Variants in FARP1 observed in about 807,000 individuals in gnomAD.
FARP1 encodes the protein FERM, ARH/RhoGEF and pleckstrin domain protein 1, also known as FERM, ARHGEF and pleckstrin domain-containing protein 1.
Under a neutral mutation model 128.8 loss-of-function variants are expected in FARP1, and 52 were observed. The ratio of observed to expected loss-of-function variants is 0.40; its 90% CI spans 0.32 to 0.51. The LOEUF (loss-of-function observed/expected upper bound fraction) is 0.51, where lower values mean the gene tolerates loss of function less well. FARP1 is among the 20% of genes least tolerant of loss of function. The pLI is 0.45. For missense variants in FARP1, 1,333 were observed against 1,367.9 expected, an observed-to-expected ratio of 0.97 and a Z score of 0.40; for synonymous variants, 580 against 551.8, an observed-to-expected ratio of 1.05 and a Z score of -0.72.
At chr13:98,317,886 C>T (rs1886792517) in intron 2 of FARP1, among the ~76,000 whole-genome samples, 1 of 151,116 alleles carries the variant, frequency 6.6e-6, no homozygotes, top group African/African-American at 2.4e-5. Context: ...TCCTTTCTTT[C>T]TCTCTCTCTC....
intron 1 of FARP1, among the ~76,000 whole-genome samples, chr13:98,168,708 T>TC (rs1308239913): frequency 1.3e-5 from 2 of 152,320 alleles, no homozygotes; most frequent in African/African-American, 2.4e-5. Context: ...GTGTTTTTTT[T>TC]CCCCCTTCAT....
chr13:98,243,659 T>C (rs1882904196), intron 2 of FARP1, among the ~76,000 whole-genome samples: 1 of 139,078 alleles, frequency 7.2e-6, no homozygotes, highest in Non-Finnish European at 1.5e-5. Context: ...ATCGTGCCAC[T>C]GCGCTCCAGC....
chr13:98,401,781 T>C (rs7333581), intron 13 of FARP1: 87,880 of 151,940 alleles, frequency 0.58, 26,630 homozygotes, highest in Non-Finnish European at 0.68. Flanking sequence ...TCTTGGTAGA[T>C]GCTAGGGAAG....
At chr13:98,162,195 G>A (rs1268333104) in intron 1 of FARP1, among the ~76,000 whole-genome samples, 3 of 152,122 alleles carry the variant, frequency 2.0e-5, no homozygotes, top group East Asian at 1.9e-4. Context: ...GAACTGTAGC[G>A]GGAATGTTTC....
At chr13:98,416,255 G>A (rs1233099231) in intron 16 of FARP1, among the ~76,000 whole-genome samples, 1 of 152,158 alleles carries the variant, frequency 6.6e-6, no homozygotes, top group East Asian at 1.9e-4. Flanking sequence ...TATCATTAAT[G>A]GAAAGAGATC....
chr13:98,376,759 G>A (rs1483241525), intron 5 of FARP1, among the ~76,000 whole-genome samples: 2 of 103,452 alleles, frequency 1.9e-5, no homozygotes, highest in African/African-American at 3.6e-5. Flanking sequence ...GGTTTTTTGT[G>A]TTTTTTTTTT....
intron 2 of FARP1, among the ~76,000 whole-genome samples, chr13:98,308,560 G>T (rs1886298078): frequency 6.6e-6 from 1 of 152,232 alleles, no homozygotes; most frequent in Admixed American, 6.5e-5. Flanking sequence ...AGACTAGAGT[G>T]TGCTGGATTT....
chr13:98,179,286 T>C (rs1342000633), intron 1 of FARP1, among the ~76,000 whole-genome samples: 1 of 152,192 alleles, frequency 6.6e-6, no homozygotes, highest in Non-Finnish European at 1.5e-5. Context: ...ATTTATTCAC[T>C]ACCACAAGAA....
At chr13:98,231,321 A>G (rs1181736815) in intron 2 of FARP1, among the ~76,000 whole-genome samples, 1 of 152,100 alleles carries the variant, frequency 6.6e-6, no homozygotes, top group Non-Finnish European at 1.5e-5. Flanking sequence ...AATACTCTGG[A>G]CAAGCTTAGT....
At chr13:98,143,918 A>T (rs989817118) in intron 1 of FARP1, among the ~76,000 whole-genome samples, 1 of 151,102 alleles carries the variant, frequency 6.6e-6, no homozygotes, top group African/African-American at 2.4e-5. Context: ...CGGGCCGGGG[A>T]GGTGGCCGCT....
intron 1 of FARP1, among the ~76,000 whole-genome samples, chr13:98,170,787 C>T (rs1418556977): frequency 3.3e-5 from 5 of 152,064 alleles, no homozygotes; most frequent in Admixed American, 6.6e-5. Context: ...CCACCGCGCC[C>T]GGCCATCTAC....
chr13:98,431,543 C>G (rs1310591756), intron 18 of FARP1: 1 of 276,372 alleles, frequency 3.6e-6, no homozygotes, highest in South Asian at 6.4e-5. Flanking sequence ...CTCACTGCAA[C>G]CTCCACCTCC....
intron 1 of FARP1, among the ~76,000 whole-genome samples, chr13:98,177,666 CAA>C (rs58126526): frequency 1.4e-5 from 2 of 145,854 alleles, no homozygotes; most frequent in South Asian, 2.2e-4. Flanking sequence ...AAAAAAAAAC[CAA>C]AAAAAAAGGC....
Position 98,375,789 on chromosome 13 carries a change from C to T in FARP1, c.399-2032C>T, listed in dbSNP as rs150691606. The stretch of plus-strand genomic sequence containing the variant: ...GATTACAGGGGCGCATCACCACACC[C>T]GGCTAATTTTTATATTTTTAGTAGA... On this transcript the variant is annotated intron_variant, in intron 5 of 26. Transcript: ENST00000319562. 4.9e-4 allele frequency among the ~76,000 whole-genome samples: 74 copies of T among 152,112 alleles called. 2 individuals carry two copies. The East Asian group carries it at 0.012, about 24-fold the overall frequency.
chr13:98,300,241 G>C (rs1415624975), intron 2 of FARP1, among the ~76,000 whole-genome samples: 1 of 152,190 alleles, frequency 6.6e-6, no homozygotes, highest in Non-Finnish European at 1.5e-5. Context: ...GCCTTATGGG[G>C]TTGGCCTCGA....
In FARP1 at chr13:98,409,502, G is replaced by T. The variant is rs756586623; in HGVS notation, c.1579G>T (p.Asp527Tyr). The part of the protein sequence containing the change: ...LNDQACPRTD[D>Y]EDEGRRKRFP... Reference sequence around the variant, plus strand: ...TGACCAGGCCTGCCCCCGGACGGACGATGAGGATGAGGGCCGGAGGAAGGT... The same window carrying T: ...TGACCAGGCCTGCCCCCGGACGGACTATGAGGATGAGGGCCGGAGGAAGGT... The change falls in exon 14 of 27, where the codon GAT becomes TAT. Residue 527 changes from aspartate to tyrosine, a missense_variant. By Grantham distance (160) the Asp-to-Tyr change is radical. This residue lies in a region of FARP1 where 1,009 missense variants were observed against 969.8 expected (regional missense o/e 1.04). Coordinates refer to ENST00000319562, the MANE Select transcript of FARP1 (RefSeq NM_005766.4). The T allele has an allele frequency of 6.2e-7, 1 of 1,612,356 alleles. No homozygotes were observed. Among genetic ancestry groups the T allele is most frequent in the East Asian group, 2.2e-5 (1 of 44,812 alleles).
intron 24 of FARP1, among the ~76,000 whole-genome samples, chr13:98,444,650 TAA>T (rs1485775851): frequency 2.0e-5 from 3 of 152,102 alleles, no homozygotes; most frequent in Non-Finnish European, 2.9e-5. Context: ...TGCCTATTGA[TAA>T]AGAGGTTTCC....
At chr13:98,361,046 C>T (rs1244801728) in intron 3 of FARP1, among the ~76,000 whole-genome samples, 1 of 152,222 alleles carries the variant, frequency 6.6e-6, no homozygotes, top group Non-Finnish European at 1.5e-5. Context: ...CCGCTCGCCT[C>T]CCTGTGACCC....
chr13:98,302,250 C>G (rs1276086866), intron 2 of FARP1, among the ~76,000 whole-genome samples: 4 of 152,198 alleles, frequency 2.6e-5, no homozygotes, highest in African/African-American at 9.6e-5. Flanking sequence ...CTCTTTCCAC[C>G]ACTTTTGTAA....
Sources: gnomAD v4.1 joint callset for allele counts (sites outside exome capture counted in the v4.1 genomes callset) on GRCh38, gnomAD v4.1.1 for gene constraint, gnomAD v4.1.1 regional missense constraint, MANE v1.5 for transcripts, NCBI Gene and HGNC (gene_info 2026-07-23, HGNC 2026-07-21) for gene names.